The following DUSP14 variants were observed in gnomAD, a reference collection of about 807,000 sequenced individuals.
DUSP14 encodes the protein dual specificity phosphatase 14.
Under a neutral mutation model 13.2 loss-of-function variants are expected in DUSP14, and 5 were observed. The observed-to-expected ratio is 0.38, with a 90% confidence interval of 0.20 to 0.80. The LOEUF is 0.80. DUSP14 is among the 30% of genes least tolerant of loss of function. The pLI is 0.44. For missense variants in DUSP14, 185 were observed against 264.0 expected (o/e 0.70, Z 2.07); for synonymous variants, 91 against 103.4 (o/e 0.88, Z 0.73).
At chr17:37,490,705 T>TG (rs1455939868) in intron 1 of DUSP14, among the ~76,000 whole-genome samples, 10 of 151,958 alleles carry the variant, frequency 6.6e-5, no homozygotes, top group African/African-American at 9.7e-5. Context: ...CAGAGATTTT[T>TG]TTTTTTTAAA....
chr17:37,490,700 A>ATT (rs397709024), intron 1 of DUSP14, among the ~76,000 whole-genome samples: 122 of 148,796 alleles, frequency 8.2e-4, no homozygotes, highest in Admixed American at 1.2e-3. Flanking sequence ...CCATGCAGAG[A>ATT]TTTTTTTTTT....
chr17:37,500,103 G>A (rs1244909266), intron 1 of DUSP14, among the ~76,000 whole-genome samples: 1 of 152,274 alleles, frequency 6.6e-6, no homozygotes, highest in Non-Finnish European at 1.5e-5. Context: ...TGAAGCAGAA[G>A]ACTCAGCTGT....
chr17:37,503,987 A>T (rs2054121452), intron 1 of DUSP14, among the ~76,000 whole-genome samples: 1 of 152,168 alleles, frequency 6.6e-6, no homozygotes, highest in African/African-American at 2.4e-5. Flanking sequence ...TGAGGTCAGG[A>T]GTTTGAGACC....
intron 1 of DUSP14, among the ~76,000 whole-genome samples, chr17:37,494,183 C>T (rs374504764): frequency 2.0e-5 from 3 of 151,912 alleles, no homozygotes; most frequent in East Asian, 1.9e-4. Flanking sequence ...TTAGTAGAGA[C>T]GGGGTTTCAC....
At chr17:37,511,736 C>G (rs889550973) in intron 2 of DUSP14, among the ~76,000 whole-genome samples, 11 of 150,434 alleles carry the variant, frequency 7.3e-5, no homozygotes, top group African/African-American at 2.7e-4. Context: ...TACAGGCATG[C>G]ACTACCACAC....
chr17:37,506,347 C>G (rs1477413363), intron 1 of DUSP14, among the ~76,000 whole-genome samples: 2 of 148,506 alleles, frequency 1.3e-5, no homozygotes, highest in East Asian at 4.1e-4. Context: ...CTCTTCCTTT[C>G]TGTCTTTCAC....
At position 37,509,128 on chromosome 17, in the gene DUSP14, T is replaced by C. The variant is rs867972561; in HGVS notation, c.-180-1549T>C. On this transcript the variant is annotated intron_variant, in intron 1 of 2. Coordinates refer to ENST00000617516, the MANE Select transcript of DUSP14 (RefSeq NM_007026.4). ...CCATATATATATATATATATATATATACACACACACACACACACACACACA... is the reference window on the plus strand; with the variant it reads ...CCATATATATATATATATATATATACACACACACACACACACACACACACA... Among the ~76,000 whole-genome samples the C allele has an allele frequency of 5.9e-3, 183 of 31,162 alleles. 4 individuals are homozygous for C. Among genetic ancestry groups the C allele is most frequent in the Non-Finnish European group, 8.1e-3 (147 of 18,072 alleles). 20.4% of individuals were successfully genotyped at this position (31,162 alleles called of 152,430 possible). A position where few individuals can be genotyped will look rare whatever the true frequency, so the allele number is the denominator to read the frequency against.
Position 37,513,001 on chromosome 17 carries a change from A to C in DUSP14, c.*132A>C, listed in dbSNP as rs2054204849. 1 of 737,934 alleles carries C rather than the reference A, an allele frequency of 1.4e-6. No individual in the cohort carries two copies. The highest frequency in any genetic ancestry group is 2.3e-6 in the Non-Finnish European group (1 of 437,686). 45.7% of individuals were successfully genotyped at this position (737,934 alleles called of 1,614,324 possible). A position where few individuals can be genotyped will look rare whatever the true frequency, so the allele number is the denominator to read the frequency against. ...AAGTGTTTTTTACACTGGGTGTTCA[A>C]ATTTATTTTAAGAGATAGGGAGGGA... On this transcript the variant is annotated 3_prime_UTR_variant, in exon 3 of 3. Coordinates refer to ENST00000617516, the MANE Select transcript of DUSP14 (RefSeq NM_007026.4).
chr17:37,492,233 C>G (rs1415510443), intron 1 of DUSP14, among the ~76,000 whole-genome samples: 1 of 151,962 alleles, frequency 6.6e-6, no homozygotes, highest in African/African-American at 2.4e-5. Flanking sequence ...TAAAACTTTC[C>G]TATTTAAAAA....
chr17:37,489,753 T>TGCCGCCCCGCGCGTCCC (rs2054012386), upstream of DUSP14: 1 of 147,328 alleles, frequency 6.8e-6, no homozygotes, highest in African/African-American at 2.5e-5. Context: ...GCGCGCCGCC[T>TGCCGCCCCGCGCGTCCC]GCCGCCCCGC....
chr17:37,501,768 C>G (rs1033010236), intron 1 of DUSP14, among the ~76,000 whole-genome samples: 1 of 152,174 alleles, frequency 6.6e-6, no homozygotes, highest in African/African-American at 2.4e-5. Flanking sequence ...CTGCCTGCCT[C>G]GGCCTTCCAA....
In DUSP14 at chr17:37,512,888, C is replaced by G. The variant is rs747676990; in HGVS notation, c.*19C>G. On this transcript the variant is annotated 3_prime_UTR_variant, in exon 3 of 3. Coordinates refer to ENST00000617516, the MANE Select transcript of DUSP14 (RefSeq NM_007026.4). The surrounding 1 kb of genome is among the most constrained non-coding windows in gnomAD (Gnocchi z 4.8). ...GATTTAGTGCCACTGAAGCCTGCGT[C>G]AGCAGCCCGAGCGGGGCCGGCATCT... The G allele has an allele frequency of 6.3e-7, 1 of 1,581,856 alleles. No homozygotes were observed. Among genetic ancestry groups the G allele is most frequent in the Non-Finnish European group, 8.6e-7 (1 of 1,157,038 alleles).
intron 1 of DUSP14, among the ~76,000 whole-genome samples, chr17:37,505,361 C>T (rs1335647605): frequency 6.6e-6 from 1 of 152,018 alleles, no homozygotes; most frequent in Non-Finnish European, 1.5e-5. Flanking sequence ...GAGTGAGACT[C>T]GGTCTCAAAA....
chr17:37,507,634 G>T (rs1597972800), intron 1 of DUSP14, among the ~76,000 whole-genome samples: 1 of 152,054 alleles, frequency 6.6e-6, no homozygotes, highest in African/African-American at 2.4e-5. Context: ...TGTATTTTTA[G>T]TAGAGACGGG....
intron 1 of DUSP14, among the ~76,000 whole-genome samples, chr17:37,500,123 C>A (rs914336497): frequency 6.6e-6 from 1 of 152,230 alleles, no homozygotes; most frequent in African/African-American, 2.4e-5. Context: ...TTTACCTCAC[C>A]CTGCTCGGAA....
At chr17:37,510,488 A>C (rs1345673260) in intron 1 of DUSP14, 189 bp from the exon 2 acceptor site, 7 of 152,212 alleles carry the variant, frequency 4.6e-5, no homozygotes, top group African/African-American at 1.7e-4. Flanking sequence ...ATGTGTCAGT[A>C]ACAAAAAGCT....
At chr17:37,491,226 C>T (rs4795205) in intron 1 of DUSP14, among the ~76,000 whole-genome samples, 14,485 of 152,258 alleles carry the variant, frequency 0.095, 909 homozygotes, top group East Asian at 0.24. Context: ...GTTGTGGACT[C>T]ATAAAGGCCC....
chr17:37,506,549 A>G (rs1352812483), intron 1 of DUSP14, among the ~76,000 whole-genome samples: 1 of 152,040 alleles, frequency 6.6e-6, no homozygotes, highest in Non-Finnish European at 1.5e-5. Context: ...TCACTCAGAG[A>G]GCACCATGCA....
chr17:37,498,434 C>T (rs557173923), intron 1 of DUSP14, among the ~76,000 whole-genome samples: 2 of 148,460 alleles, frequency 1.3e-5, no homozygotes, highest in Admixed American at 6.9e-5. Context: ...TCACGCCATT[C>T]TCCTGCCTCA....
Sources: allele counts gnomAD v4.1 joint callset (sites outside exome capture counted in the v4.1 genomes callset), GRCh38; gene constraint gnomAD v4.1.1; non-coding constraint Gnocchi (gnomAD v3.1); transcripts MANE v1.5; gene names NCBI Gene and HGNC (gene_info 2026-07-23, HGNC 2026-07-21).